ITIH2: variants seen among roughly 807,000 people sequenced by gnomAD.
ITIH2 encodes the protein inter-alpha-trypsin inhibitor heavy chain 2.
Under a neutral mutation model 104.4 loss-of-function variants are expected in ITIH2, and 103 were observed. The ratio of observed to expected loss-of-function variants is 0.99; its 90% CI spans 0.84 to 1.16. ITIH2 has a LOEUF of 1.16. ITIH2 is among the 50% of genes most tolerant of loss of function. The probability of loss-of-function intolerance (pLI) is 0.00; values close to 1 mark genes in which losing one functional copy is unlikely to be tolerated. For missense variants in ITIH2, 1,108 were observed against 1,162.4 expected (o/e 0.95, Z 0.68); for synonymous variants, 436 against 435.4 (o/e 1.00, Z -0.02).
At chr10:7,718,735 G>A (rs937443134) in intron 6 of ITIH2, among the ~76,000 whole-genome samples, 1 of 152,080 alleles carries the variant, frequency 6.6e-6, no homozygotes, top group African/African-American at 2.4e-5. Context: ...GTGTCCATGT[G>A]TACTCAATGT....
chr10:7,739,880 C>A (rs140878387), intron 16 of ITIH2, among the ~76,000 whole-genome samples: 1 of 151,932 alleles, frequency 6.6e-6, no homozygotes, highest in Non-Finnish European at 1.5e-5. Context: ...CAGAGGGAGA[C>A]CCTGTTTCAA....
At chr10:7,704,271 AGAATAT>A (rs1285173371) in intron 1 of ITIH2, among the ~76,000 whole-genome samples, 3 of 152,262 alleles carry the variant, frequency 2.0e-5, no homozygotes, top group African/African-American at 7.2e-5. Context: ...AAAATGCCAG[AGAATAT>A]GACGGCATAT....
chr10:7,731,782 ATT>A (rs1380953537), intron 12 of ITIH2, 27 bp from the exon 13 acceptor site: 1 of 1,450,190 alleles, frequency 6.9e-7, no homozygotes, highest in Non-Finnish European at 9.5e-7. Context: ...TAGGAACATA[ATT>A]TCTCTCTCTC....
chr10:7,743,539 C>T (rs185330973), intron 17 of ITIH2, among the ~76,000 whole-genome samples: 93 of 152,040 alleles, frequency 6.1e-4, no homozygotes, highest in Non-Finnish European at 9.6e-4. Flanking sequence ...TTTGGGAGGC[C>T]GAGGTGGGCG....
Position 7,705,149 on chromosome 10 carries a change from A to C in ITIH2, c.126A>C (p.Lys42Asn). 1 of 1,613,228 alleles carries C rather than the reference A, an allele frequency of 6.2e-7. No homozygotes were observed. Among genetic ancestry groups the C allele is most frequent in the Non-Finnish European group, 8.5e-7 (1 of 1,179,324 alleles). Residue 42 changes from lysine to asparagine, a missense_variant, in exon 2 of 21, where the codon AAA (lysine) becomes AAC (asparagine). Transcript: ENST00000358415. ...ATCTTGTGGAACTGGCCCCAGGCAA[A>C]TTTCAATTGGTGGCAGAGAACCGGA... ...YEDLVELAPG[K>N]FQLVAENRRY...
intron 8 of ITIH2, among the ~76,000 whole-genome samples, chr10:7,722,953 T>TGTGGA (rs559645497): frequency 1.4e-4 from 21 of 151,434 alleles, no homozygotes; most frequent in East Asian, 3.9e-4. Flanking sequence ...GACTGAGTGA[T>TGTGGA]GTGGAGTGGA....
rs369600071 is a variant in ITIH2 at position 7,732,380 on chromosome 10, G to A, written c.1690G>A (p.Asp564Asn). 6.0e-5 allele frequency: 97 copies of A among 1,613,922 alleles called. No individual in the cohort carries two copies. The highest frequency in any genetic ancestry group is 6.9e-5 in the Non-Finnish European group (81 of 1,179,984). ...LVLETLAQMD[D>N]LQDFLSKDKH... ...CTTGGAGACCCTGGCCCAGATGGAC[G>A]ACTTGCAGGATTTTCTATCGAAAGA... The change falls in exon 14 of 21, where the codon GAC (aspartate) becomes AAC (asparagine). Residue 564 changes from aspartate (D) to asparagine (N), a missense_variant. By Grantham distance (23) the Asp-to-Asn change is conservative. Transcript: ENST00000358415.
At chr10:7,715,243 A>G (rs1047934881) in intron 5 of ITIH2, among the ~76,000 whole-genome samples, 1 of 152,044 alleles carries the variant, frequency 6.6e-6, no homozygotes, top group Non-Finnish European at 1.5e-5. Context: ...CAACATGGTG[A>G]AACCCCGTCT....
chr10:7,719,780 A>AGAAAG (rs34499814), intron 6 of ITIH2, among the ~76,000 whole-genome samples: 1 of 141,090 alleles, frequency 7.1e-6, no homozygotes, highest in Non-Finnish European at 1.5e-5. Context: ...AAAAAAAAAA[A>AGAAAG]AAAGAAAGAA....
At chr10:7,735,236 C>T (rs79309350) in intron 15 of ITIH2, 145 bp downstream of exon 15, 48,297 of 643,638 alleles carry the variant, frequency 0.075, 2,492 homozygotes, top group East Asian at 0.24. Flanking sequence ...CTCTTCCTGC[C>T]AGCTGGGAGG....
rs765091980 is a variant in ITIH2, at chr10:7,723,486, T to G, written c.903T>G (p.Pro301=). ...GATATTTTGTCCACTTCTTTGCTCCTGACAACCTGGACCCAATTCCCAAAA... is the reference window on the plus strand; with the variant it reads ...GATATTTTGTCCACTTCTTTGCTCCGGACAACCTGGACCCAATTCCCAAAA... ...FNGYFVHFFA[P]DNLDPIPKNI... Residue 301 remains proline (P), a synonymous_variant, in exon 9 of 21, where the codon CCT becomes CCG. Coordinates refer to ENST00000358415, the MANE Select transcript of ITIH2 (RefSeq NM_002216.3). 6.2e-7 allele frequency: 1 copy of G among 1,613,692 alleles called. No homozygotes were observed. Among genetic ancestry groups the G allele is most frequent in the African/African-American group, 1.3e-5 (1 of 74,918 alleles).
At chr10:7,726,051 G>C (rs887207304) in intron 9 of ITIH2, among the ~76,000 whole-genome samples, 3 of 152,174 alleles carry the variant, frequency 2.0e-5, no homozygotes, top group African/African-American at 7.2e-5. Flanking sequence ...ATGGACCTTT[G>C]GATTTAGTGA....
intron 15 of ITIH2, among the ~76,000 whole-genome samples, chr10:7,737,406 C>CATATATAT (rs375717121): frequency 0.02 from 2,406 of 121,626 alleles, 86 homozygotes; most frequent in African/African-American, 0.073. Flanking sequence ...GTATATATCT[C>CATATATAT]ATATATATAT....
At chr10:7,748,438 G>C (rs1835201112) in intron 20 of ITIH2, among the ~76,000 whole-genome samples, 2 of 143,042 alleles carry the variant, frequency 1.4e-5, no homozygotes, top group Non-Finnish European at 3.0e-5. Flanking sequence ...CCCTTCAAGT[G>C]GAGGACATGA....
intron 12 of ITIH2, 59 bp from the exon 13 acceptor site, chr10:7,731,752 G>T: frequency 1.7e-6 from 2 of 1,184,220 alleles, no homozygotes; most frequent in Non-Finnish European, 2.4e-6. Flanking sequence ...AAAATAAAAT[G>T]CTTTAGATCT....
intron 4 of ITIH2, among the ~76,000 whole-genome samples, chr10:7,711,204 C>T (rs893760154): frequency 6.6e-6 from 1 of 152,158 alleles, no homozygotes; most frequent in Non-Finnish European, 1.5e-5. Flanking sequence ...ATTTTCTGTT[C>T]CTGTGTTAGT....
intron 20 of ITIH2, among the ~76,000 whole-genome samples, chr10:7,748,037 C>T (rs990936625): frequency 6.6e-6 from 1 of 151,484 alleles, no homozygotes; most frequent in Non-Finnish European, 1.5e-5. Context: ...AAACCCCCCC[C>T]ATCTCTACTA....
chr10:7,744,739 C>A, intron 18 of ITIH2, 52 bp from the exon 19 acceptor site: 1 of 1,505,716 alleles, frequency 6.6e-7, no homozygotes. Flanking sequence ...GAATGACTTT[C>A]TCAAAAGGTC....
chr10:7,707,289 G>A (rs765844708), intron 3 of ITIH2, 56 bp downstream of exon 3: 11 of 1,322,602 alleles, frequency 8.3e-6, no homozygotes, highest in Non-Finnish European at 1.2e-5. Context: ...ATAATTACCA[G>A]GAAATCAATC....
Sources: gnomAD v4.1 joint callset for allele counts (sites outside exome capture counted in the v4.1 genomes callset) on GRCh38, gnomAD v4.1.1 for gene constraint, MANE v1.5 for transcripts, NCBI Gene and HGNC (gene_info 2026-07-23, HGNC 2026-07-21) for gene names.